Variants in PRKCE observed in about 807,000 individuals in gnomAD.
PRKCE encodes the protein protein kinase C epsilon type.
PRKCE carries 16 observed loss-of-function variants against 85.4 expected under a neutral mutation model. The ratio of observed to expected loss-of-function variants is 0.19; its 90% CI spans 0.13 to 0.28. PRKCE has a LOEUF of 0.28. Among genes scored for constraint, PRKCE ranks in the 10% least tolerant of loss-of-function variants. PRKCE has a pLI of 1.00. For synonymous variants in PRKCE, 388 were observed against 371.5 expected, an observed-to-expected ratio of 1.04 and a Z score of -0.51; for missense variants, 573 against 975.2, an observed-to-expected ratio of 0.59 and a Z score of 5.49.
Position 45,962,861 on chromosome 2 carries a change from C to T in PRKCE, c.413-13568C>T, listed in dbSNP as rs146934470. Among the ~76,000 whole-genome samples, 375 of 152,240 alleles carry T rather than the reference C, an allele frequency of 2.5e-3. 2 individuals carry two copies. The highest frequency in any genetic ancestry group is 8.5e-3 in the African/African-American group (355 of 41,544). ...CATGAGTTCGATTCTGGGATGCTTT[C>T]AGTTATTAAAAGCATTATTGCTTTT... On this transcript the variant is annotated intron_variant, in intron 2 of 14. Coordinates refer to ENST00000306156, the MANE Select transcript of PRKCE (RefSeq NM_005400.3).
intron 11 of PRKCE, among the ~76,000 whole-genome samples, chr2:46,134,186 CTT>C (rs1172321570): frequency 6.6e-6 from 1 of 152,206 alleles, no homozygotes; most frequent in Non-Finnish European, 1.5e-5. Context: ...CTTTTCTGCT[CTT>C]ATTCCTTCAT....
intron 14 of PRKCE, among the ~76,000 whole-genome samples, chr2:46,164,306 C>T (rs1312928833): frequency 6.6e-6 from 1 of 152,192 alleles, no homozygotes; most frequent in East Asian, 1.9e-4. Context: ...ACACCATCAG[C>T]CTTGCAATTT....
chr2:45,956,062 A>G (rs1423419095), intron 2 of PRKCE, among the ~76,000 whole-genome samples: 1 of 152,158 alleles, frequency 6.6e-6, no homozygotes, highest in African/African-American at 2.4e-5. Flanking sequence ...ATCGTACAGT[A>G]TATGTGTAGC....
chr2:45,845,410 C>G (rs1691703443), intron 2 of PRKCE: 1 of 148,440 alleles, frequency 6.7e-6, no homozygotes, highest in African/African-American at 2.5e-5. Context: ...ATACCTAACT[C>G]TGCATTCTGT....
At chr2:45,784,024 C>T (rs1353218185) in intron 1 of PRKCE, among the ~76,000 whole-genome samples, 1 of 152,274 alleles carries the variant, frequency 6.6e-6, no homozygotes, top group African/African-American at 2.4e-5. Context: ...CACTCACCCA[C>T]TAGCATCGCT....
chr2:45,844,445 T>G (rs550671313), intron 2 of PRKCE, among the ~76,000 whole-genome samples: 1 of 152,326 alleles, frequency 6.6e-6, no homozygotes, highest in African/African-American at 2.4e-5. Context: ...CATGAAATAT[T>G]TAAGACCTAC....
chr2:45,862,864 T>C (rs1185463107), intron 2 of PRKCE, among the ~76,000 whole-genome samples: 1 of 152,196 alleles, frequency 6.6e-6, no homozygotes, highest in Non-Finnish European at 1.5e-5. Flanking sequence ...GGCTCAAAGC[T>C]TCGCAGGGGC....
At chr2:45,961,637 C>G (rs1701384724) in intron 2 of PRKCE, among the ~76,000 whole-genome samples, 1 of 152,180 alleles carries the variant, frequency 6.6e-6, no homozygotes, top group East Asian at 1.9e-4. Context: ...GGCTTGTTAG[C>G]ATTTCAGAGG....
At position 46,159,496 on chromosome 2, in the gene PRKCE, CTT is replaced by C. The variant is rs1677547515; in HGVS notation, c.1921-109_1921-108del. ...GGCCCTTGAAAGTGCAAAGAACAGA[CTT>C]GGGAGGCGATGCTGAAGATGCTGCT... On this transcript the variant is annotated intron_variant, in intron 13 of 14. Coordinates refer to ENST00000306156, the MANE Select transcript of PRKCE (RefSeq NM_005400.3). This position sits in a 1 kb window ranked among gnomAD's most constrained non-coding sequence, Gnocchi z 4.1. 23 of 1,198,054 alleles carry C rather than the reference CTT, an allele frequency of 1.9e-5. No homozygotes were observed. The highest frequency in any genetic ancestry group is 2.7e-5 in the Admixed American group (1 of 37,668). The allele number at this position is 1,198,054 out of a possible 1,614,324, so 74.2% of individuals were successfully genotyped here.
chr2:45,689,395 G>A (rs530467346), intron 1 of PRKCE, among the ~76,000 whole-genome samples: 2 of 152,000 alleles, frequency 1.3e-5, no homozygotes, highest in African/African-American at 4.8e-5. Context: ...GGCCTCCCAC[G>A]ACCCCCAATC....
At chr2:45,735,198 T>C (rs1681949577) in intron 1 of PRKCE, among the ~76,000 whole-genome samples, 1 of 152,256 alleles carries the variant, frequency 6.6e-6, no homozygotes. Flanking sequence ...CAGGCTGGTT[T>C]GGTTCCACGC....
At chr2:45,828,243 C>G (rs188253096) in intron 1 of PRKCE, among the ~76,000 whole-genome samples, 2 of 152,286 alleles carry the variant, frequency 1.3e-5, no homozygotes, top group Admixed American at 1.3e-4. Flanking sequence ...AAGGATTTTT[C>G]AATTAGATTA....
At chr2:45,838,414 C>T (rs1257522936) in intron 1 of PRKCE, among the ~76,000 whole-genome samples, 1 of 152,168 alleles carries the variant, frequency 6.6e-6, no homozygotes, top group Admixed American at 6.5e-5. Flanking sequence ...ATTGCTGTCT[C>T]ACAGGAGATT....
At chr2:45,699,305 G>A (rs895136443) in intron 1 of PRKCE, among the ~76,000 whole-genome samples, 1 of 152,182 alleles carries the variant, frequency 6.6e-6, no homozygotes, top group Non-Finnish European at 1.5e-5. Flanking sequence ...TGTTATGTGT[G>A]TCTTTGTCTG....
intron 11 of PRKCE, among the ~76,000 whole-genome samples, chr2:46,132,777 C>T (rs960851469): frequency 5.9e-5 from 9 of 152,208 alleles, no homozygotes; most frequent in Admixed American, 5.2e-4. Flanking sequence ...CTTCCATGGC[C>T]AAATTAAACA....
At chr2:46,107,146 T>C (rs1169624125) in intron 11 of PRKCE, among the ~76,000 whole-genome samples, 2 of 152,206 alleles carry the variant, frequency 1.3e-5, no homozygotes, top group South Asian at 2.1e-4. Context: ...GCTTTACCTA[T>C]CCAACTCTCT....
chr2:46,042,879 C>A (rs1297232734), intron 10 of PRKCE, among the ~76,000 whole-genome samples: 1 of 152,208 alleles, frequency 6.6e-6, no homozygotes, highest in Non-Finnish European at 1.5e-5. Context: ...GATTGCCACG[C>A]AATGTTCTTG....
rs116604120 is a variant in PRKCE, at chr2:45,960,912, C to T, written c.413-15517C>T. Among the ~76,000 whole-genome samples, 560 of 152,288 alleles carry T rather than the reference C, an allele frequency of 3.7e-3. 4 individuals are homozygous for T. Among genetic ancestry groups the T allele is most frequent in the African/African-American group, 0.013 (544 of 41,544 alleles). On this transcript the variant is annotated intron_variant, in intron 2 of 14. Coordinates refer to ENST00000306156, the MANE Select transcript of PRKCE (RefSeq NM_005400.3). ...CTCTCCAAAAAGGATCTGAGATTCACCTATGTTGAACTTATAATGGCCCTC... is the reference window on the plus strand; with the variant it reads ...CTCTCCAAAAAGGATCTGAGATTCATCTATGTTGAACTTATAATGGCCCTC...
chr2:45,717,800 C>T (rs188208289), intron 1 of PRKCE, among the ~76,000 whole-genome samples: 1 of 152,300 alleles, frequency 6.6e-6, no homozygotes, highest in African/African-American at 2.4e-5. Flanking sequence ...AGTCAAACTG[C>T]ATAATTGGCC....
Sources: gnomAD v4.1 joint callset for allele counts (sites outside exome capture counted in the v4.1 genomes callset) on GRCh38, gnomAD v4.1.1 for gene constraint, Gnocchi (gnomAD v3.1) non-coding constraint, MANE v1.5 for transcripts, NCBI Gene and HGNC (gene_info 2026-07-23, HGNC 2026-07-21) for gene names.